BOP1: variants seen among roughly 807,000 people sequenced by gnomAD.
The protein encoded by BOP1 is ribosome biogenesis protein BOP1.
Under a neutral mutation model 82.9 loss-of-function variants are expected in BOP1, and 54 were observed. The ratio of observed to expected loss-of-function variants is 0.65; its 90% CI spans 0.52 to 0.82. The LOEUF is 0.82. Ranked by LOEUF, BOP1 falls within the 40% of genes least tolerant of loss-of-function variation. The probability of loss-of-function intolerance (pLI) is 0.00; values close to 1 mark genes in which losing one functional copy is unlikely to be tolerated. For synonymous variants in BOP1, 566 were observed against 451.1 expected (o/e 1.25, Z -3.23); for missense variants, 1,170 against 1,072.0 (o/e 1.09, Z -1.28).
At position 144,281,063 on chromosome 8, in the gene BOP1, C is replaced by CCAGGTCTTAGGCCTTCTCTCACTTTA. The variant is rs1564601666; in HGVS notation, c.310-4760_310-4759insTAAAGTGAGAGAAGGCCTAAGACCTG. ...CAGGTCTTAGGCCTTCTCTCACTTT[C>CCAGGTCTTAGGCCTTCTCTCACTTTA]ATACCAGGTCTTCGGCCTTCTCTCA... On this transcript the variant is annotated intron_variant, in intron 2 of 15. Coordinates refer to ENST00000569669, the MANE Select transcript of BOP1 (RefSeq NM_015201.5). Among the ~76,000 whole-genome samples the CCAGGTCTTAGGCCTTCTCTCACTTTA allele has an allele frequency of 6.9e-3, 378 of 54,832 alleles. 63 individuals carry two copies. The highest frequency in any genetic ancestry group is 0.029 in the Middle Eastern group (3 of 102). The allele number at this position is 54,832 out of a possible 152,430, so 36.0% of individuals were successfully genotyped here.
At chr8:144,272,225 C>T (rs1293583009) in intron 3 of BOP1, among the ~76,000 whole-genome samples, 2 of 152,102 alleles carry the variant, frequency 1.3e-5, no homozygotes, top group East Asian at 3.9e-4. Context: ...CCCCACAACT[C>T]AGAGCTACAA....
chr8:144,263,643 G>A, intron 10 of BOP1, 33 bp from the exon 11 acceptor site: 2 of 1,606,120 alleles, frequency 1.2e-6, no homozygotes, highest in Non-Finnish European at 1.7e-6. Context: ...TCAACACCTG[G>A]CCATCCCACC....
chr8:144,289,771 T>TG (rs1333887469), intron 1 of BOP1, among the ~76,000 whole-genome samples: 2 of 152,134 alleles, frequency 1.3e-5, no homozygotes, highest in Non-Finnish European at 2.9e-5. Context: ...GAAAAGGGGC[T>TG]GGGGGCTGGA....
At chr8:144,265,169 G>A (rs1255547052) in intron 3 of BOP1, 98 bp from the exon 4 acceptor site, 5 of 1,407,712 alleles carry the variant, frequency 3.6e-6, no homozygotes, top group Non-Finnish European at 3.9e-6. Context: ...CAGGGGGAGT[G>A]CAGGCCCAGC....
intron 3 of BOP1, among the ~76,000 whole-genome samples, chr8:144,275,191 C>T (rs1248392408): frequency 6.6e-6 from 1 of 152,068 alleles, no homozygotes; most frequent in Non-Finnish European, 1.5e-5. Context: ...TCAGGAAGGC[C>T]CTACACCAAA....
At chr8:144,268,449 T>C in intron 3 of BOP1, 1 of 544,476 alleles carries the variant, frequency 1.8e-6, no homozygotes, top group South Asian at 2.3e-5. Flanking sequence ...CTGAAAATTT[T>C]GTATAATTAA....
intron 1 of BOP1, among the ~76,000 whole-genome samples, chr8:144,289,834 T>C (rs1554839924): frequency 6.6e-6 from 1 of 152,192 alleles, no homozygotes; most frequent in Non-Finnish European, 1.5e-5. Flanking sequence ...CGCCTCCTCA[T>C]TTAACCAGAT....
intron 2 of BOP1, among the ~76,000 whole-genome samples, chr8:144,277,818 G>GC (rs1845593064): frequency 1.3e-5 from 2 of 151,194 alleles, no homozygotes; most frequent in Non-Finnish European, 2.9e-5. Flanking sequence ...CAGGGGCGGT[G>GC]CGGGCAGGGG....
At chr8:144,282,373 G>A (rs1219841346) in intron 2 of BOP1, among the ~76,000 whole-genome samples, 4 of 152,200 alleles carry the variant, frequency 2.6e-5, no homozygotes, top group Non-Finnish European at 5.9e-5. Context: ...GAACTCGTGG[G>A]TCATCAGGTG....
Position 144,263,019 on chromosome 8 carries a change from G to A in BOP1, c.1728C>T (p.Arg576=). The change falls in exon 13 of 16, where the codon CGC becomes CGT. Residue 576 remains arginine, a synonymous_variant. Coordinates refer to ENST00000569669, the MANE Select transcript of BOP1 (RefSeq NM_015201.5). ...LSRRRSQSPF[R]RSHGQVQRVA... is the part of the protein sequence containing the mutation. ...CTCGCTGCACCTGTCCGTGGCTGCGGCGGAACGGACTCTGGCTGCGGCGAC... is the reference window on the plus strand; with the variant it reads ...CTCGCTGCACCTGTCCGTGGCTGCGACGGAACGGACTCTGGCTGCGGCGAC... The A allele has an allele frequency of 6.4e-7, 1 of 1,562,748 alleles. No homozygotes were observed. The highest frequency in any genetic ancestry group is 8.6e-7 in the Non-Finnish European group (1 of 1,162,468).
At chr8:144,276,839 G>C (rs1037155806) in intron 2 of BOP1, among the ~76,000 whole-genome samples, 3 of 152,170 alleles carry the variant, frequency 2.0e-5, no homozygotes, top group African/African-American at 7.2e-5. Context: ...CATCCCGGGG[G>C]CCACGTCCCG....
intron 3 of BOP1, among the ~76,000 whole-genome samples, chr8:144,273,144 A>G (rs1359876315): frequency 6.6e-6 from 1 of 152,132 alleles, no homozygotes; most frequent in Non-Finnish European, 1.5e-5. Context: ...CGCAAGCCTG[A>G]GTGCGCGGGG....
In BOP1 at chr8:144,277,757, G is replaced by A. The variant is rs1554838431; in HGVS notation, c.310-1453C>T. Among the ~76,000 whole-genome samples the A allele has an allele frequency of 1.8e-4, 16 of 87,816 alleles. No homozygotes were observed. In the South Asian group the frequency reaches 5.9e-3, roughly 32 times the overall value. The allele number at this position is 87,816 out of a possible 152,430, so 57.6% of individuals were successfully genotyped here. On this transcript the variant is annotated intron_variant, in intron 2 of 15. Coordinates refer to ENST00000569669, the MANE Select transcript of BOP1 (RefSeq NM_015201.5). ...CTGTGGGGCACAGAGTCCACCAGGG[G>A]GCGACGGCGCTCAGCCAGGCCCAGC...
chr8:144,281,989 A>G (rs1393790387), intron 2 of BOP1: 3 of 152,282 alleles, frequency 2.0e-5, no homozygotes, highest in African/African-American at 4.8e-5. Context: ...AAACCAAGCA[A>G]AGCTGGGAAA....
chr8:144,291,087 G>A lies in BOP1; in HGVS notation c.99+185C>T, dbSNP rs1401602584. Among the ~76,000 whole-genome samples, 1 of 151,094 alleles carries A rather than the reference G, an allele frequency of 6.6e-6. No homozygotes were observed. Among genetic ancestry groups the A allele is most frequent in the Non-Finnish European group, 1.5e-5 (1 of 67,758 alleles). ...CCCGTTTCTTTGCTTCCCGGACGCC[G>A]TCCTTTACCCCGCAGTCCGCTCTGC... On this transcript the variant is annotated intron_variant, in intron 1 of 15. Coordinates refer to ENST00000569669, the MANE Select transcript of BOP1 (RefSeq NM_015201.5). This position sits in a 1 kb window ranked among gnomAD's most constrained non-coding sequence, Gnocchi z 4.1.
intron 3 of BOP1, among the ~76,000 whole-genome samples, chr8:144,271,893 G>A (rs1321064232): frequency 6.6e-6 from 1 of 151,964 alleles, no homozygotes; most frequent in African/African-American, 2.4e-5. Flanking sequence ...CTCCACCACT[G>A]GAGAGAAGCC....
intron 3 of BOP1, among the ~76,000 whole-genome samples, chr8:144,274,120 C>G (rs1274268645): frequency 1.3e-5 from 2 of 152,150 alleles, no homozygotes; most frequent in South Asian, 2.1e-4. Flanking sequence ...GAGCTTGGCC[C>G]GAGACCTTCT....
In BOP1 at chr8:144,263,463, A is replaced by G. The variant is rs1346764577; in HGVS notation, c.1424+15T>C. The G allele has an allele frequency of 1.9e-6, 3 of 1,597,756 alleles. No individual in the cohort carries two copies. Among genetic ancestry groups the G allele is most frequent in the Non-Finnish European group, 2.5e-6 (3 of 1,179,598 alleles). ...TGCCACCCCTGGCTCCCCAGCCCCC[A>G]GGGCCTCCACTTACACGGCTGCAGC... On this transcript the variant is annotated intron_variant, in intron 11 of 15. Transcript: ENST00000569669.
chr8:144,268,783 G>C (rs1170333875), intron 3 of BOP1, among the ~76,000 whole-genome samples: 5 of 152,126 alleles, frequency 3.3e-5, no homozygotes, highest in Non-Finnish European at 7.4e-5. Flanking sequence ...CACAAGGCAG[G>C]GACGCTGTAA....
Sources: gnomAD v4.1 joint callset for allele counts (sites outside exome capture counted in the v4.1 genomes callset) on GRCh38, gnomAD v4.1.1 for gene constraint, Gnocchi (gnomAD v3.1) non-coding constraint, MANE v1.5 for transcripts, NCBI Gene and HGNC (gene_info 2026-07-23, HGNC 2026-07-21) for gene names.